Variants in TMEM209 observed in about 807,000 individuals in gnomAD.
TMEM209 encodes transmembrane protein 209.
In TMEM209, 65 loss-of-function variants were observed where a neutral mutation model predicts 76.2. That is an observed-to-expected ratio of 0.85 (90% CI 0.70 to 1.05). TMEM209 has a LOEUF of 1.05. Ranked by LOEUF, TMEM209 falls within the 50% of genes least tolerant of loss-of-function variation. The pLI, the probability that TMEM209 is intolerant of heterozygous loss-of-function variation, is 0.00. For missense variants in TMEM209, 623 were observed against 685.5 expected (o/e 0.91, Z 1.02); for synonymous variants, 239 against 237.6 (o/e 1.01, Z -0.06).
At chr7:130,196,986 G>T (rs891228329) in intron 5 of TMEM209, among the ~76,000 whole-genome samples, 3 of 152,160 alleles carry the variant, frequency 2.0e-5, no homozygotes, top group African/African-American at 4.8e-5. Context: ...CAGCACTTTG[G>T]GAGGCTGAGG....
intron 1 of TMEM209, 44 bp from the exon 2 acceptor site, chr7:130,204,154 T>C (rs754133069): frequency 1.9e-6 from 3 of 1,553,826 alleles, no homozygotes; most frequent in South Asian, 2.4e-5. Context: ...GAAGAAACTA[T>C]TGCTCCATTT....
intron 8 of TMEM209, among the ~76,000 whole-genome samples, chr7:130,183,435 A>G (rs1029728827): frequency 6.6e-6 from 1 of 152,216 alleles, no homozygotes; most frequent in African/African-American, 2.4e-5. Context: ...GTAGGCTACC[A>G]TTTTTTGCCC....
intron 10 of TMEM209, among the ~76,000 whole-genome samples, chr7:130,177,028 CA>C (rs5887463): frequency 0.52 from 60,766 of 117,366 alleles, 15,752 homozygotes; most frequent in East Asian, 0.93. Flanking sequence ...AGCCGGGTCT[CA>C]AAAAAAAAAA....
chr7:130,183,989 A>G (rs574066244), intron 8 of TMEM209, among the ~76,000 whole-genome samples, 195 bp downstream of exon 8: 157 of 152,302 alleles, frequency 1.0e-3, no homozygotes, highest in Non-Finnish European at 1.9e-3. Context: ...TTCACTAAAT[A>G]TGGAGGAAGA....
chr7:130,167,623 A>C (rs886837014), intron 14 of TMEM209, among the ~76,000 whole-genome samples: 1 of 152,144 alleles, frequency 6.6e-6, no homozygotes, highest in Non-Finnish European at 1.5e-5. Context: ...TTTGTCATTA[A>C]CTTTAAACTT....
Position 130,178,407 on chromosome 7 carries a change from A to T in TMEM209, c.1241T>A (p.Ile414Asn). ...TPNQEYLFER[I>N]KELSQGGCMS... ...CTCTTCAAATCAATAATTACCTTTG[A>T]TCCTTTCAAACAAGTATTCCTGATT... Residue 414 changes from isoleucine (I) to asparagine (N), a missense_variant, in exon 10 of 15, where the codon ATC becomes AAC. Transcript: ENST00000397622. 3.7e-6 allele frequency: 6 copies of T among 1,609,476 alleles called. No homozygotes were observed. Among genetic ancestry groups the T allele is most frequent in the Non-Finnish European group, 5.1e-6 (6 of 1,177,600 alleles).
chr7:130,202,798 G>A, intron 3 of TMEM209, 135 bp from the exon 4 acceptor site: 1 of 1,074,564 alleles, frequency 9.3e-7, no homozygotes, highest in Non-Finnish European at 1.2e-6. Flanking sequence ...TGAATGTTAT[G>A]TGTAGGGTGG....
In TMEM209 at chr7:130,175,624, T is replaced by C; in HGVS notation, c.1247-15A>G. ...CTGAGATAGTTCTGTGGCAACAAGG[T>C]GAAATTTTTAAAAGCTAAGAGTATG... On this transcript the variant is annotated splice_polypyrimidine_tract_variant and intron_variant, in intron 10 of 14. Transcript: ENST00000397622. 2 of 1,598,616 alleles carry C rather than the reference T, an allele frequency of 1.3e-6. No homozygotes were observed. The highest frequency in any genetic ancestry group is 1.7e-6 in the Non-Finnish European group (2 of 1,172,598).
chr7:130,192,994 G>A (rs1010306935), intron 5 of TMEM209, among the ~76,000 whole-genome samples, 171 bp from the exon 6 acceptor site: 16 of 152,164 alleles, frequency 1.1e-4, no homozygotes, highest in Admixed American at 1.3e-4. Flanking sequence ...TTGCTGGTGG[G>A]AATGCAAAAT....
In TMEM209 at chr7:130,201,910, T is replaced by C. The variant is rs1230758888; in HGVS notation, c.513A>G (p.Ser171=). 1 of 1,613,922 alleles carries C rather than the reference T, an allele frequency of 6.2e-7. No homozygotes were observed. Reference sequence around the variant, plus strand: ...CAGGGCTATAAGAACCACTGCCACCTGAGGACAGACCTTGCAGCTGAGGGC... The same window carrying C: ...CAGGGCTATAAGAACCACTGCCACCCGAGGACAGACCTTGCAGCTGAGGGC... ...GYSPQLQGLS[S]GGSGSYSPGV... Residue 171 remains serine (S), a synonymous_variant, in exon 5 of 15, where the codon TCA becomes TCG. Coordinates refer to ENST00000397622, the MANE Select transcript of TMEM209 (RefSeq NM_032842.4).
intron 13 of TMEM209, among the ~76,000 whole-genome samples, chr7:130,172,404 G>A (rs1584665846): frequency 6.6e-6 from 1 of 151,844 alleles, no homozygotes; most frequent in Non-Finnish European, 1.5e-5. Context: ...GTGCAGTGGC[G>A]TGATCTCGGC....
At chr7:130,203,571 T>C (rs1012500244) in intron 3 of TMEM209, among the ~76,000 whole-genome samples, 4 of 152,214 alleles carry the variant, frequency 2.6e-5, no homozygotes, top group Non-Finnish European at 4.4e-5. Flanking sequence ...ACAGAACTCA[T>C]AATTACCTGA....
chr7:130,180,648 C>T (rs555501026), intron 9 of TMEM209, among the ~76,000 whole-genome samples: 3 of 152,238 alleles, frequency 2.0e-5, no homozygotes, highest in East Asian at 3.9e-4. Flanking sequence ...GGATTATAGG[C>T]GTGAGCCACC....
chr7:130,173,171 C>G (rs1797129050), intron 13 of TMEM209, among the ~76,000 whole-genome samples: 1 of 151,944 alleles, frequency 6.6e-6, no homozygotes, highest in South Asian at 2.1e-4. Flanking sequence ...CATGGAGAGA[C>G]TCTGTCTCTA....
chr7:130,205,080 G>C (rs1431959151), intron 1 of TMEM209: 1 of 1,397,118 alleles, frequency 7.2e-7, no homozygotes, highest in Admixed American at 2.9e-5. Context: ...AACTCTTACA[G>C]ACCGTGCAAA....
intron 14 of TMEM209, among the ~76,000 whole-genome samples, chr7:130,169,751 C>G (rs1171678725): frequency 6.6e-6 from 1 of 151,038 alleles, no homozygotes; most frequent in South Asian, 2.1e-4. Context: ...TTTTTTTTTG[C>G]TAGCCTTAGG....
chr7:130,188,016 G>A (rs1426479357), intron 6 of TMEM209, among the ~76,000 whole-genome samples: 1 of 152,130 alleles, frequency 6.6e-6, no homozygotes, highest in Non-Finnish European at 1.5e-5. Flanking sequence ...TTTAAAAAGT[G>A]TGTTTAAGCA....
At chr7:130,186,807 A>G (rs1228696011) in intron 6 of TMEM209, among the ~76,000 whole-genome samples, 1 of 152,100 alleles carries the variant, frequency 6.6e-6, no homozygotes, top group African/African-American at 2.4e-5. Context: ...CACCACAACA[A>G]CAGCACACAA....
chr7:130,203,345 C>T (rs1798288319), intron 3 of TMEM209, among the ~76,000 whole-genome samples: 1 of 152,086 alleles, frequency 6.6e-6, no homozygotes. Flanking sequence ...TGTGTATAGA[C>T]TATGAAATTT....
Sources: gnomAD v4.1 joint callset for allele counts (sites outside exome capture counted in the v4.1 genomes callset) on GRCh38, gnomAD v4.1.1 for gene constraint, MANE v1.5 for transcripts, NCBI Gene and HGNC (gene_info 2026-07-23, HGNC 2026-07-21) for gene names.